CAMK1D: variants seen among roughly 807,000 people sequenced by gnomAD.
CAMK1D encodes the protein calcium/calmodulin-dependent protein kinase type 1D.
Under a neutral mutation model 47.7 loss-of-function variants are expected in CAMK1D, and 9 were observed. The ratio of observed to expected loss-of-function variants is 0.19; its 90% CI spans 0.11 to 0.33. CAMK1D has a LOEUF of 0.33. CAMK1D is among the 10% of genes least tolerant of loss of function. The probability of loss-of-function intolerance (pLI) is 1.00; values close to 1 mark genes in which losing one functional copy is unlikely to be tolerated. For synonymous variants in CAMK1D, 184 were observed against 184.9 expected (o/e 0.99, Z 0.04); for missense variants, 291 against 488.7 (o/e 0.60, Z 3.81).
At chr10:12,378,809 C>A (rs1040616248) in intron 1 of CAMK1D, among the ~76,000 whole-genome samples, 1 of 111,884 alleles carries the variant, frequency 8.9e-6, no homozygotes, top group African/African-American at 3.1e-5. Context: ...TTTTCTTTTT[C>A]TTTTCTTTTT....
chr10:12,546,202 T>C (rs1256435597), intron 1 of CAMK1D, among the ~76,000 whole-genome samples: 1 of 152,062 alleles, frequency 6.6e-6, no homozygotes, highest in Non-Finnish European at 1.5e-5. Context: ...CAGGTAGCAG[T>C]GGGCTCGCTG....
intron 1 of CAMK1D, among the ~76,000 whole-genome samples, chr10:12,523,580 C>T (rs1835514637): frequency 6.6e-6 from 1 of 152,060 alleles, no homozygotes; most frequent in African/African-American, 2.4e-5. Context: ...CCGTCTCCAC[C>T]AAAAAAATAC....
chr10:12,622,210 T>C (rs1839020256), intron 2 of CAMK1D, among the ~76,000 whole-genome samples: 1 of 152,184 alleles, frequency 6.6e-6, no homozygotes, highest in Non-Finnish European at 1.5e-5. Context: ...TGCTTGGCCT[T>C]TGCTGCTGGT....
intron 2 of CAMK1D, among the ~76,000 whole-genome samples, chr10:12,612,719 G>T (rs1838667473): frequency 6.6e-6 from 1 of 152,146 alleles, no homozygotes; most frequent in African/African-American, 2.4e-5. Context: ...TCTTCTTTGA[G>T]CAGGTGTGTC....
At chr10:12,732,744 G>A (rs1175418355) in intron 3 of CAMK1D, among the ~76,000 whole-genome samples, 2 of 147,454 alleles carry the variant, frequency 1.4e-5, no homozygotes, top group East Asian at 4.2e-4. Flanking sequence ...GATTTGGGTG[G>A]GGACACAGCC....
chr10:12,722,723 G>A (rs1834449578), intron 3 of CAMK1D, among the ~76,000 whole-genome samples: 1 of 152,160 alleles, frequency 6.6e-6, no homozygotes, highest in African/African-American at 2.4e-5. Context: ...TAAACTTGAA[G>A]CTATAAGATT....
chr10:12,682,991 G>A (rs142961600), intron 3 of CAMK1D, among the ~76,000 whole-genome samples: 2,603 of 151,450 alleles, frequency 0.017, 75 homozygotes, highest in African/African-American at 0.06. Context: ...GTGCAATCTC[G>A]GCTCACTGCA....
intron 1 of CAMK1D, among the ~76,000 whole-genome samples, chr10:12,505,836 A>G (rs1280207671): frequency 2.8e-5 from 4 of 140,986 alleles, no homozygotes; most frequent in Non-Finnish European, 3.2e-5. Flanking sequence ...TAATAAACCA[A>G]TGATTTTCAG....
intron 6 of CAMK1D, among the ~76,000 whole-genome samples, chr10:12,801,422 C>G (rs570927773): frequency 2.4e-4 from 36 of 146,966 alleles, no homozygotes; most frequent in Non-Finnish European, 4.8e-4. Flanking sequence ...CATTCATCAA[C>G]CCATCCTTCC....
At chr10:12,361,942 C>T (rs1242805109) in intron 1 of CAMK1D, among the ~76,000 whole-genome samples, 5 of 152,092 alleles carry the variant, frequency 3.3e-5, no homozygotes, top group Admixed American at 2.6e-4. Context: ...TTTGGGGTTC[C>T]GTCTCCTGGC....
chr10:12,451,593 A>G (rs997449258), intron 1 of CAMK1D, among the ~76,000 whole-genome samples: 2 of 152,266 alleles, frequency 1.3e-5, no homozygotes, highest in Admixed American at 6.5e-5. Context: ...TTCTGATAAT[A>G]GTGGCACTTA....
intron 3 of CAMK1D, among the ~76,000 whole-genome samples, chr10:12,706,338 A>G (rs986789463): frequency 6.6e-5 from 10 of 152,196 alleles, no homozygotes; most frequent in Admixed American, 6.5e-4. Context: ...GACGGCAGGT[A>G]ACTGAAACTG....
At chr10:12,368,211 A>T (rs910658544) in intron 1 of CAMK1D, among the ~76,000 whole-genome samples, 8 of 114,734 alleles carry the variant, frequency 7.0e-5, no homozygotes, top group Admixed American at 1.1e-4. Context: ...AAAAAAAAAA[A>T]AAATAAAATA....
intron 6 of CAMK1D, among the ~76,000 whole-genome samples, chr10:12,811,812 T>G (rs1276671544): frequency 1.3e-5 from 2 of 152,252 alleles, no homozygotes; most frequent in Non-Finnish European, 2.9e-5. Context: ...CTGCGTTTCC[T>G]AATATGCACA....
chr10:12,781,783 C>G lies in CAMK1D; in HGVS notation c.566-9375C>G, dbSNP rs77521479. 3.7e-4 allele frequency among the ~76,000 whole-genome samples: 56 copies of G among 152,050 alleles called. No individual in the cohort carries two copies. In the East Asian group the frequency reaches 0.01, roughly 28 times the overall value. On this transcript the variant is annotated intron_variant, in intron 5 of 10. Transcript: ENST00000619168. ...TCTCCTGCCTCATCCTCCCGAGAAG[C>G]TGGGATTACAAGCACGCATCACTGC...
At chr10:12,728,125 G>A (rs1834739140) in intron 3 of CAMK1D, among the ~76,000 whole-genome samples, 1 of 152,220 alleles carries the variant, frequency 6.6e-6, no homozygotes, top group African/African-American at 2.4e-5. Context: ...GTAAAACAGA[G>A]ATGGTGCCTC....
chr10:12,782,985 T>C, intron 5 of CAMK1D, among the ~76,000 whole-genome samples: 1 of 134,736 alleles, frequency 7.4e-6, no homozygotes, highest in South Asian at 2.4e-4. Context: ...TTTTCAGTTT[T>C]TTTTTTTTTT....
chr10:12,651,945 A>AT (rs1176129409), intron 2 of CAMK1D, among the ~76,000 whole-genome samples: 4 of 150,914 alleles, frequency 2.7e-5, no homozygotes, highest in South Asian at 2.1e-4. Flanking sequence ...CGCCCCGCTA[A>AT]TTTTTTTGTA....
chr10:12,786,670 G>A (rs1257597666), intron 5 of CAMK1D, among the ~76,000 whole-genome samples: 2 of 152,174 alleles, frequency 1.3e-5, no homozygotes, highest in Non-Finnish European at 2.9e-5. Context: ...TGATCCTCCT[G>A]TCTTAGCCTT....
Sources: allele counts gnomAD v4.1 joint callset (sites outside exome capture counted in the v4.1 genomes callset), GRCh38; gene constraint gnomAD v4.1.1; transcripts MANE v1.5; gene names NCBI Gene and HGNC (gene_info 2026-07-23, HGNC 2026-07-21).